Variants in PPP1R9A observed in about 807,000 individuals in gnomAD.
PPP1R9A encodes protein phosphatase 1 regulatory subunit 9A.
In PPP1R9A, 59 loss-of-function variants were observed where a neutral mutation model predicts 141.9. That is an observed-to-expected ratio of 0.42 (90% confidence interval 0.34 to 0.52). PPP1R9A has a LOEUF of 0.52. Ranked by LOEUF, PPP1R9A falls within the 20% of genes least tolerant of loss-of-function variation. The probability of loss-of-function intolerance (pLI) is 0.10; values close to 1 mark genes in which losing one functional copy is unlikely to be tolerated. For synonymous variants in PPP1R9A, 500 were observed against 569.7 expected (o/e 0.88, Z 1.74); for missense variants, 1,444 against 1,611.9 (o/e 0.90, Z 1.78).
At chr7:95,072,288 A>G (rs1813930425) in intron 2 of PPP1R9A, among the ~76,000 whole-genome samples, 1 of 144,954 alleles carries the variant, frequency 6.9e-6, no homozygotes, top group African/African-American at 2.5e-5. Context: ...TATAATATAT[A>G]TTATAAAAAT....
intron 18 of PPP1R9A, among the ~76,000 whole-genome samples, chr7:95,287,789 G>A (rs190869470): frequency 3.3e-5 from 5 of 152,176 alleles, no homozygotes; most frequent in Admixed American, 1.3e-4. Context: ...GGATTCAAGC[G>A]ATTCTCCTGC....
intron 2 of PPP1R9A, among the ~76,000 whole-genome samples, chr7:95,037,559 T>G (rs2151871492): frequency 6.6e-6 from 1 of 152,330 alleles, no homozygotes; most frequent in Non-Finnish European, 1.5e-5. Context: ...TGAATCTTCT[T>G]ACTCTAAATA....
chr7:95,212,163 A>T (rs1010536382), intron 7 of PPP1R9A, among the ~76,000 whole-genome samples: 7 of 152,122 alleles, frequency 4.6e-5, no homozygotes, highest in Non-Finnish European at 7.3e-5. Context: ...GTTTAATAGG[A>T]TCTCCAGGTG....
intron 5 of PPP1R9A, among the ~76,000 whole-genome samples, chr7:95,192,045 A>G (rs1038216296): frequency 6.6e-6 from 1 of 152,064 alleles, no homozygotes; most frequent in Non-Finnish European, 1.5e-5. Flanking sequence ...TAAAGTGATT[A>G]TATAGATTTA....
chr7:94,926,396 G>A (rs1454302984), intron 2 of PPP1R9A, among the ~76,000 whole-genome samples: 1 of 152,102 alleles, frequency 6.6e-6, no homozygotes, highest in East Asian at 1.9e-4. Context: ...TACTCATTTT[G>A]CCTTAACTTT....
chr7:95,214,006 T>C (rs1294629958), intron 7 of PPP1R9A, among the ~76,000 whole-genome samples: 1 of 152,196 alleles, frequency 6.6e-6, no homozygotes, highest in African/African-American at 2.4e-5. Flanking sequence ...ATCTGTGCAG[T>C]GCAATTTAGT....
At chr7:95,150,582 A>G (rs1204918653) in intron 4 of PPP1R9A, among the ~76,000 whole-genome samples, 1 of 152,182 alleles carries the variant, frequency 6.6e-6, no homozygotes, top group African/African-American at 2.4e-5. Flanking sequence ...GATTACAGGC[A>G]TGAGCCACCG....
chr7:95,272,987 G>A (rs549656260), intron 14 of PPP1R9A, among the ~76,000 whole-genome samples: 4 of 152,268 alleles, frequency 2.6e-5, no homozygotes, highest in African/African-American at 7.2e-5. Context: ...ATGCTGAAAC[G>A]TGATGCCGAT....
intron 2 of PPP1R9A, among the ~76,000 whole-genome samples, chr7:95,066,164 TA>T (rs1474041927): frequency 6.6e-6 from 1 of 152,124 alleles, no homozygotes; most frequent in East Asian, 1.9e-4. Context: ...CTTATAAGAA[TA>T]GGAAATTTGG....
intron 2 of PPP1R9A, among the ~76,000 whole-genome samples, chr7:95,018,821 G>A (rs1805478078): frequency 6.6e-6 from 1 of 152,122 alleles, no homozygotes; most frequent in African/African-American, 2.4e-5. Context: ...GAGTAATAAG[G>A]TGCTTTGTCT....
intron 5 of PPP1R9A, among the ~76,000 whole-genome samples, chr7:95,170,058 A>G (rs188180768): frequency 2.7e-4 from 41 of 151,900 alleles, no homozygotes; most frequent in African/African-American, 9.9e-4. Flanking sequence ...AGAAGGTTCT[A>G]CTCCAACTTC....
At chr7:95,104,533 C>T (rs1819245369) in intron 2 of PPP1R9A, among the ~76,000 whole-genome samples, 1 of 152,074 alleles carries the variant, frequency 6.6e-6, no homozygotes, top group African/African-American at 2.4e-5. Context: ...AGACTAAAGC[C>T]CTCAGCTGTT....
At chr7:95,198,219 T>C in intron 5 of PPP1R9A, 130 bp from the exon 6 acceptor site, 2 of 770,370 alleles carry the variant, frequency 2.6e-6, no homozygotes, top group East Asian at 3.2e-5. Flanking sequence ...GAAAACCATT[T>C]TGAAGTACGT....
chr7:94,928,945 T>A (rs1247267385), intron 2 of PPP1R9A, among the ~76,000 whole-genome samples: 1 of 152,154 alleles, frequency 6.6e-6, no homozygotes, highest in African/African-American at 2.4e-5. Context: ...TCATAGCCAA[T>A]GAATTATGCA....
chr7:95,237,798 C>T (rs976970315), intron 8 of PPP1R9A, among the ~76,000 whole-genome samples: 1 of 151,944 alleles, frequency 6.6e-6, no homozygotes, highest in Admixed American at 6.6e-5. Context: ...AAAAAATTAA[C>T]TCTGGCTTTC....
chr7:95,126,945 C>T (rs757197175), intron 4 of PPP1R9A, among the ~76,000 whole-genome samples: 1 of 152,040 alleles, frequency 6.6e-6, no homozygotes, highest in Non-Finnish European at 1.5e-5. Context: ...AAACCTGAAC[C>T]ACTGCCTTTT....
intron 2 of PPP1R9A, among the ~76,000 whole-genome samples, chr7:95,058,372 A>T (rs1286584633): frequency 6.6e-6 from 1 of 152,184 alleles, no homozygotes; most frequent in East Asian, 1.9e-4. Context: ...ACACAAGAAG[A>T]TGTACATCTG....
intron 2 of PPP1R9A, among the ~76,000 whole-genome samples, chr7:95,044,703 C>T (rs1809750493): frequency 7.0e-6 from 1 of 143,688 alleles, no homozygotes; most frequent in Non-Finnish European, 1.5e-5. Flanking sequence ...AGCCACCACA[C>T]CCAGCTAATT....
Position 94,935,425 on chromosome 7 carries a change from T to C in PPP1R9A, c.1395+23917T>C, listed in dbSNP as rs575925392. ...AAATGGTTCTGTGGTTGAATATGTTTGGGAAACTTCATACCATGCCCCCTT... is the reference window on the plus strand; with the variant it reads ...AAATGGTTCTGTGGTTGAATATGTTCGGGAAACTTCATACCATGCCCCCTT... On this transcript the variant is annotated intron_variant, in intron 2 of 19. Transcript: ENST00000433360. Among the ~76,000 whole-genome samples, 9 of 152,328 alleles carry C rather than the reference T, an allele frequency of 5.9e-5. No homozygotes were observed. The East Asian group carries it at 1.7e-3, about 29-fold the overall frequency.
Sources: gnomAD v4.1 joint callset for allele counts (sites outside exome capture counted in the v4.1 genomes callset) on GRCh38, gnomAD v4.1.1 for gene constraint, MANE v1.5 for transcripts, NCBI Gene and HGNC (gene_info 2026-07-23, HGNC 2026-07-21) for gene names.